Variants in RUFY1 observed in about 807,000 individuals in gnomAD.
RUFY1 encodes the protein RUN and FYVE domain containing 1, also known as RUN and FYVE domain-containing protein 1.
RUFY1 carries 54 observed loss-of-function variants against 94.6 expected under a neutral mutation model. That is an observed-to-expected ratio of 0.57 (90% CI 0.46 to 0.72). RUFY1 has a LOEUF of 0.72. RUFY1 is among the 30% of genes least tolerant of loss of function. RUFY1 has a pLI of 0.00. For missense variants in RUFY1, 883 were observed against 883.9 expected, an observed-to-expected ratio of 1.00 and a Z score of 0.01; for synonymous variants, 396 against 347.3, an observed-to-expected ratio of 1.14 and a Z score of -1.56.
chr5:179,550,920 T>TCC (rs1761804567), intron 1 of RUFY1, 41 bp downstream of exon 1: 2 of 1,066,680 alleles, frequency 1.9e-6, no homozygotes, highest in African/African-American at 1.7e-5. Context: ...GACTCGCGTG[T>TCC]CCCCGCTGGC....
At chr5:179,577,357 CG>C (rs1310817976) in intron 6 of RUFY1, among the ~76,000 whole-genome samples, 1 of 150,762 alleles carries the variant, frequency 6.6e-6, no homozygotes, top group African/African-American at 2.4e-5. Flanking sequence ...TTTTTAGAGA[CG>C]GGGTTTCACC....
intron 4 of RUFY1, among the ~76,000 whole-genome samples, chr5:179,568,335 A>G (rs2127523255): frequency 6.6e-6 from 1 of 152,364 alleles, no homozygotes; most frequent in East Asian, 1.9e-4. Context: ...AATAATCATT[A>G]TAAAAGGAAT....
intron 14 of RUFY1, 130 bp from the exon 15 acceptor site, chr5:179,601,762 T>C (rs1766429318): frequency 3.1e-6 from 2 of 651,786 alleles, no homozygotes; most frequent in African/African-American, 4.2e-5. Context: ...GAGGTTGCAG[T>C]GAGCCAAGAT....
At chr5:179,571,516 A>T (rs542539967) in intron 5 of RUFY1, among the ~76,000 whole-genome samples, 1 of 151,988 alleles carries the variant, frequency 6.6e-6, no homozygotes, top group Non-Finnish European at 1.5e-5. Context: ...AAAAAAAAAA[A>T]AAAACACCAA....
At chr5:179,582,300 C>G (rs1291459214) in intron 7 of RUFY1, among the ~76,000 whole-genome samples, 2 of 152,064 alleles carry the variant, frequency 1.3e-5, no homozygotes, top group Non-Finnish European at 2.9e-5. Flanking sequence ...TCGTGGCTCA[C>G]TGCAGCCTCC....
chr5:179,602,137 C>A, intron 15 of RUFY1, 151 bp downstream of exon 15: 1 of 647,714 alleles, frequency 1.5e-6, no homozygotes. Flanking sequence ...TCAGGAAGCC[C>A]GGCCTCAGAG....
rs772779707 is a variant in RUFY1 at position 179,567,557 on chromosome 5, C to T, written c.699C>T (p.Leu233=). 33 of 1,597,578 alleles carry T rather than the reference C, an allele frequency of 2.1e-5. 1 individual carries two copies. The South Asian group carries it at 3.2e-4, about 15-fold the overall frequency. Residue 233 remains leucine, a synonymous_variant, in exon 4 of 18, where the codon CTC becomes CTT. Coordinates refer to ENST00000319449, the MANE Select transcript of RUFY1 (RefSeq NM_025158.5). ...YLKVLIDNKH[L]LSEFYEPEAL... is the part of the protein sequence containing the mutation. ...AAGTGCTTATAGACAATAAACATCT[C>T]TTAAGGTATTTCATCAACCATGTTT...
Position 179,567,262 on chromosome 5 carries a change from A to T in RUFY1, c.603-199A>T, listed in dbSNP as rs552188549. Among the ~76,000 whole-genome samples the T allele has an allele frequency of 6.6e-5, 10 of 152,336 alleles. No individual in the cohort carries two copies. In the East Asian group the frequency reaches 1.7e-3, roughly 26 times the overall value. The stretch of plus-strand genomic sequence containing the variant: ...ATTATCTAATTGTATTTGTAATAGT[A>T]CTCAAAGGTATGTGGTGAGCCATTT... On this transcript the variant is annotated intron_variant, in intron 3 of 17. Transcript: ENST00000319449.
intron 1 of RUFY1, among the ~76,000 whole-genome samples, chr5:179,558,094 G>T (rs1762197352): frequency 6.6e-6 from 1 of 152,184 alleles, no homozygotes; most frequent in African/African-American, 2.4e-5. Flanking sequence ...ACCACTAGAT[G>T]ATAGAACTGG....
At chr5:179,575,049 G>A (rs1174213433) in intron 5 of RUFY1, among the ~76,000 whole-genome samples, 1 of 130,654 alleles carries the variant, frequency 7.7e-6, no homozygotes, top group Admixed American at 8.8e-5. Context: ...CGCCCCAGCC[G>A]CAGTCCTCCT....
chr5:179,561,485 C>G (rs904151485), intron 2 of RUFY1, among the ~76,000 whole-genome samples: 2 of 151,536 alleles, frequency 1.3e-5, no homozygotes, highest in Non-Finnish European at 2.9e-5. Context: ...AAAAGAATTT[C>G]TAGCTATGTA....
chr5:179,591,112 C>T (rs1765048924), intron 9 of RUFY1, among the ~76,000 whole-genome samples: 1 of 152,166 alleles, frequency 6.6e-6, no homozygotes, highest in Admixed American at 6.6e-5. Flanking sequence ...GGATTACAGG[C>T]ATGAGCCACC....
rs984253602 is a variant in RUFY1 at position 179,609,844 on chromosome 5, G to A, written c.*325G>A. On this transcript the variant is annotated 3_prime_UTR_variant, in exon 18 of 18. Coordinates refer to ENST00000319449, the MANE Select transcript of RUFY1 (RefSeq NM_025158.5). ...ATTTTACAGCAGTTCAGTTCTGCTA[G>A]TGAGTAGTTTTCCTCTCCTACCTTC... 16 of 221,924 alleles carry A rather than the reference G, an allele frequency of 7.2e-5. No individual in the cohort carries two copies. Among genetic ancestry groups the A allele is most frequent in the African/African-American group, 3.0e-4 (13 of 43,738 alleles). 13.7% of individuals were successfully genotyped at this position (221,924 alleles called of 1,614,324 possible). A position where few individuals can be genotyped will look rare whatever the true frequency, so the allele number is the denominator to read the frequency against.
chr5:179,570,887 C>T (rs1299129944), intron 5 of RUFY1, among the ~76,000 whole-genome samples: 1 of 152,038 alleles, frequency 6.6e-6, no homozygotes, highest in African/African-American at 2.4e-5. Context: ...ATTCTCATTA[C>T]TCTTAGACCG....
At chr5:179,602,142 T>G (rs1414818967) in intron 15 of RUFY1, 156 bp downstream of exon 15, 9 of 635,086 alleles carry the variant, frequency 1.4e-5, no homozygotes, top group Non-Finnish European at 2.6e-5. Context: ...AAGCCCGGCC[T>G]CAGAGGGGCC....
intron 1 of RUFY1, among the ~76,000 whole-genome samples, chr5:179,555,041 T>G (rs1762040484): frequency 6.6e-6 from 1 of 152,180 alleles, no homozygotes; most frequent in Non-Finnish European, 1.5e-5. Flanking sequence ...TTTGAGAGTT[T>G]CCGCACATAG....
chr5:179,561,135 C>T (rs1039991708), intron 2 of RUFY1, among the ~76,000 whole-genome samples: 1 of 152,116 alleles, frequency 6.6e-6, no homozygotes, highest in Non-Finnish European at 1.5e-5. Context: ...CTCTTGAACC[C>T]AGGAGGCGGA....
At chr5:179,598,857 G>A in intron 14 of RUFY1, 36 bp downstream of exon 14, 2 of 1,612,536 alleles carry the variant, frequency 1.2e-6, no homozygotes, top group Middle Eastern at 1.7e-4. Flanking sequence ...AGAGCCTCTG[G>A]CAGCCTCCAG....
At chr5:179,561,659 G>T (rs1180340914) in intron 2 of RUFY1, among the ~76,000 whole-genome samples, 8 of 146,438 alleles carry the variant, frequency 5.5e-5, no homozygotes, top group Non-Finnish European at 9.0e-5. Flanking sequence ...GAGCCTATAA[G>T]GCAACTGTTT....
Sources: gnomAD v4.1 joint callset for allele counts (sites outside exome capture counted in the v4.1 genomes callset) on GRCh38, gnomAD v4.1.1 for gene constraint, MANE v1.5 for transcripts, NCBI Gene and HGNC (gene_info 2026-07-23, HGNC 2026-07-21) for gene names.